The following RHOQ variants were observed in gnomAD, a reference collection of about 807,000 sequenced individuals.
RHOQ encodes rho-related GTP-binding protein RhoQ.
In RHOQ, 7 loss-of-function variants were observed where a neutral mutation model predicts 25.8. That is an observed-to-expected ratio of 0.27 (90% CI 0.15 to 0.51). RHOQ has a LOEUF of 0.51. Ranked by LOEUF, RHOQ falls within the 20% of genes least tolerant of loss-of-function variation. The pLI is 0.97. For synonymous variants in RHOQ, 97 were observed against 98.6 expected, an observed-to-expected ratio of 0.98 and a Z score of 0.10; for missense variants, 165 against 260.6, an observed-to-expected ratio of 0.63 and a Z score of 2.53.
chr2:46,580,759 G>C, intron 4 of RHOQ, 169 bp from the exon 5 acceptor site: 1 of 450,636 alleles, frequency 2.2e-6, no homozygotes, highest in Non-Finnish European at 3.9e-6. Flanking sequence ...AAGTCTGGAA[G>C]GACATATACT....
intron 2 of RHOQ, among the ~76,000 whole-genome samples, chr2:46,557,763 G>A (rs1668450033): frequency 6.6e-6 from 1 of 152,126 alleles, no homozygotes; most frequent in South Asian, 2.1e-4. Flanking sequence ...CCACTACCCT[G>A]AGACAACCAC....
chr2:46,551,350 C>T (rs1334231212), intron 2 of RHOQ, among the ~76,000 whole-genome samples: 1 of 152,162 alleles, frequency 6.6e-6, no homozygotes, highest in East Asian at 1.9e-4. Context: ...CACATCATCT[C>T]ATTTTCTCTG....
rs1302545486 is a variant in RHOQ, at chr2:46,569,991, G to A, written c.202-6096G>A. On this transcript the variant is annotated intron_variant, in intron 2 of 4. Transcript: ENST00000238738. This position sits in a 1 kb window ranked among gnomAD's most constrained non-coding sequence, Gnocchi z 4.1. ...AATTCAGTAAACTCATCACTGGTGA[G>A]TTTTGAACCAAACTTACCAAAGTGT... Among the ~76,000 whole-genome samples, 1 of 152,174 alleles carries A rather than the reference G, an allele frequency of 6.6e-6. No individual in the cohort carries two copies. Among genetic ancestry groups the A allele is most frequent in the African/African-American group, 2.4e-5 (1 of 41,444 alleles).
chr2:46,565,973 A>C (rs968860074), intron 2 of RHOQ, among the ~76,000 whole-genome samples: 1 of 152,210 alleles, frequency 6.6e-6, no homozygotes, highest in Admixed American at 6.5e-5. Context: ...TGCTGGATGA[A>C]GTGATTTCCA....
intron 2 of RHOQ, among the ~76,000 whole-genome samples, chr2:46,550,122 A>G (rs1193137122): frequency 6.6e-6 from 1 of 151,814 alleles, no homozygotes; most frequent in African/African-American, 2.4e-5. Flanking sequence ...AGTCCCAGCT[A>G]CTCAGGAGGC....
Position 46,566,276 on chromosome 2 carries a change from A to G in RHOQ, c.202-9811A>G, listed in dbSNP as rs1416796527. 6.6e-6 allele frequency among the ~76,000 whole-genome samples: 1 copy of G among 152,152 alleles called. No individual in the cohort carries two copies. The highest frequency in any genetic ancestry group is 1.5e-5 in the Non-Finnish European group (1 of 68,026). On this transcript the variant is annotated intron_variant, in intron 2 of 4. Transcript: ENST00000238738. The surrounding 1 kb of genome is among the most constrained non-coding windows in gnomAD (Gnocchi z 4.2). ...CAGCTAAAAGGAGGTACATAGTAATAAGCTAGTTCTGGAACTCAGAGGCAG... is the reference window on the plus strand; with the variant it reads ...CAGCTAAAAGGAGGTACATAGTAATGAGCTAGTTCTGGAACTCAGAGGCAG...
At chr2:46,561,102 A>G (rs1198970061) in intron 2 of RHOQ, among the ~76,000 whole-genome samples, 1 of 150,824 alleles carries the variant, frequency 6.6e-6, no homozygotes, top group Non-Finnish European at 1.5e-5. Context: ...ATATACAGGT[A>G]TGTGTGTGTG....
chr2:46,559,884 G>A (rs1668519113), intron 2 of RHOQ, among the ~76,000 whole-genome samples: 1 of 152,322 alleles, frequency 6.6e-6, no homozygotes, highest in East Asian at 1.9e-4. Flanking sequence ...GAAAGAAGCA[G>A]AGTGTTGGAG....
intron 2 of RHOQ, among the ~76,000 whole-genome samples, chr2:46,574,990 A>G (rs1445479650): frequency 2.0e-5 from 3 of 152,230 alleles, no homozygotes; most frequent in East Asian, 1.9e-4. Context: ...AGCTATGCCA[A>G]AAATGGAATC....
Position 46,556,429 on chromosome 2 carries a change from G to T in RHOQ, c.201+12617G>T, listed in dbSNP as rs1668412647. On this transcript the variant is annotated intron_variant, in intron 2 of 4. Coordinates refer to ENST00000238738, the MANE Select transcript of RHOQ (RefSeq NM_012249.4). This position sits in a 1 kb window ranked among gnomAD's most constrained non-coding sequence, Gnocchi z 4.9. ...GCCTTCGCCCCTGGCTCAGGTAGAG[G>T]CGAGGGCTGATCTCTTCTCTACCCT... Among the ~76,000 whole-genome samples the T allele has an allele frequency of 1.3e-5, 2 of 151,942 alleles. No homozygotes were observed. Among genetic ancestry groups the T allele is most frequent in the African/African-American group, 4.8e-5 (2 of 41,360 alleles).
intron 1 of RHOQ, 146 bp downstream of exon 1, chr2:46,543,334 C>A: frequency 2.4e-6 from 2 of 844,768 alleles, no homozygotes; most frequent in East Asian, 2.8e-5. Flanking sequence ...GGCCCCACCC[C>A]CGAAGCTTCG....
chr2:46,579,453 G>A (rs891436947), intron 4 of RHOQ, among the ~76,000 whole-genome samples: 7 of 152,158 alleles, frequency 4.6e-5, no homozygotes, highest in Non-Finnish European at 8.8e-5. Context: ...TTATCCAGCT[G>A]TTTACTCAAC....
rs1474363710 is a variant in RHOQ, at chr2:46,569,632, A to G, written c.202-6455A>G. 6.6e-6 allele frequency: 1 copy of G among 152,240 alleles called. No homozygotes were observed. Among genetic ancestry groups the G allele is most frequent in the Non-Finnish European group, 1.5e-5 (1 of 68,046 alleles). 9.4% of individuals were successfully genotyped at this position (152,240 alleles called of 1,614,324 possible). ...GAAAGCACAATGGAAAAGAAGCCCA[A>G]GATCTAGTTCTCTAGCTCCTAAATA... On this transcript the variant is annotated intron_variant, in intron 2 of 4. Transcript: ENST00000238738. The surrounding 1 kb of genome is among the most constrained non-coding windows in gnomAD (Gnocchi z 4.1).
At position 46,581,641 on chromosome 2, in the gene RHOQ, C is replaced by A. The variant is rs1264646730; in HGVS notation, c.*558C>A. Reference sequence around the variant, plus strand: ...AAAAAGAACAAATGTTTTATTATTACTTGAGCACAAGTGTAACCTAAATAT... The same window carrying A: ...AAAAAGAACAAATGTTTTATTATTAATTGAGCACAAGTGTAACCTAAATAT... On this transcript the variant is annotated 3_prime_UTR_variant, in exon 5 of 5. Transcript: ENST00000238738. The A allele has an allele frequency of 6.3e-7, 1 of 1,582,596 alleles. No homozygotes were observed. The highest frequency in any genetic ancestry group is 1.4e-5 in the African/African-American group (1 of 73,804).
At chr2:46,560,744 TAG>T in intron 2 of RHOQ, 1 of 421,422 alleles carries the variant, frequency 2.4e-6, no homozygotes, top group South Asian at 1.6e-5. Flanking sequence ...AGACTTTGCG[TAG>T]AGTCTGTATA....
In RHOQ at chr2:46,555,076, A is replaced by C. The variant is rs1466887177; in HGVS notation, c.201+11264A>C. On this transcript the variant is annotated intron_variant, in intron 2 of 4. Transcript: ENST00000238738. The surrounding 1 kb of genome is among the most constrained non-coding windows in gnomAD (Gnocchi z 4.3). The stretch of plus-strand genomic sequence containing the variant: ...GACTGGACACGAGGAGGGACAGAGC[A>C]GGCAGATGGGGGCTCTGCTTCCTTC... 6.6e-6 allele frequency among the ~76,000 whole-genome samples: 1 copy of C among 152,236 alleles called. No homozygotes were observed. The highest frequency in any genetic ancestry group is 1.5e-5 in the Non-Finnish European group (1 of 68,042).
intron 2 of RHOQ, among the ~76,000 whole-genome samples, chr2:46,544,211 G>A (rs573974882): frequency 7.9e-5 from 12 of 152,314 alleles, no homozygotes; most frequent in African/African-American, 2.2e-4. Flanking sequence ...TGCCCAAGGA[G>A]CCTGATTGGT....
In RHOQ at chr2:46,569,882, T is replaced by C. The variant is rs1311787348; in HGVS notation, c.202-6205T>C. 6.6e-6 allele frequency among the ~76,000 whole-genome samples: 1 copy of C among 152,138 alleles called. No individual in the cohort carries two copies. Among genetic ancestry groups the C allele is most frequent in the African/African-American group, 2.4e-5 (1 of 41,436 alleles). ...TTGAAAAACAGTGACCTCTTAAGAA[T>C]TTATAGCACCTAAAAAAACCTTTCT... On this transcript the variant is annotated intron_variant, in intron 2 of 4. Coordinates refer to ENST00000238738, the MANE Select transcript of RHOQ (RefSeq NM_012249.4). The surrounding 1 kb of genome is among the most constrained non-coding windows in gnomAD (Gnocchi z 4.1).
chr2:46,576,044 A>G lies in RHOQ; in HGVS notation c.202-43A>G, dbSNP rs772205224. The G allele has an allele frequency of 4.6e-6, 7 of 1,535,052 alleles. No homozygotes were observed. Among genetic ancestry groups the G allele is most frequent in the Non-Finnish European group, 6.1e-6 (7 of 1,138,904 alleles). On this transcript the variant is annotated intron_variant, in intron 2 of 4. Transcript: ENST00000238738. This position sits in a 1 kb window ranked among gnomAD's most constrained non-coding sequence, Gnocchi z 5.1. ...CTAATGTACATATTACTAGTAAACA[A>G]TAGAAATGTAAATACATAATGAGGC... is the stretch of plus-strand genomic sequence containing the variant.
Sources: allele counts gnomAD v4.1 joint callset (sites outside exome capture counted in the v4.1 genomes callset), GRCh38; gene constraint gnomAD v4.1.1; non-coding constraint Gnocchi (gnomAD v3.1); transcripts MANE v1.5; gene names NCBI Gene and HGNC (gene_info 2026-07-23, HGNC 2026-07-21).